TRPM3: variants seen among roughly 807,000 people sequenced by gnomAD.
TRPM3 encodes the protein transient receptor potential cation channel subfamily M member 3, also known as long transient receptor potential channel 3.
TRPM3 carries 77 observed loss-of-function variants against 181.2 expected under a neutral mutation model. The observed-to-expected ratio is 0.42, with a 90% confidence interval of 0.35 to 0.51. TRPM3 has a LOEUF of 0.51. Ranked by LOEUF, TRPM3 falls within the 20% of genes least tolerant of loss-of-function variation. The pLI is 0.01. For missense variants in TRPM3, 1,759 were observed against 2,196.7 expected (o/e 0.80, Z 3.98); for synonymous variants, 745 against 796.4 (o/e 0.94, Z 1.09).
At chr9:71,058,264 G>A (rs1442609132) in intron 1 of TRPM3, among the ~76,000 whole-genome samples, 1 of 152,018 alleles carries the variant, frequency 6.6e-6, no homozygotes, top group African/African-American at 2.4e-5. Flanking sequence ...AAGCCTGCAT[G>A]GCTTATACCA....
intron 1 of TRPM3, among the ~76,000 whole-genome samples, chr9:71,127,069 AAC>A (rs1491091862): frequency 2.8e-3 from 279 of 99,088 alleles, no homozygotes; most frequent in African/African-American, 1.0e-2. Flanking sequence ...TTTAGGAAAA[AAC>A]AAAAACAAAA....
intron 1 of TRPM3, among the ~76,000 whole-genome samples, chr9:71,206,397 C>A (rs1212448911): frequency 6.6e-6 from 1 of 151,982 alleles, no homozygotes; most frequent in Non-Finnish European, 1.5e-5. Context: ...AGTCTTCTTT[C>A]GAAAAGTTTC....
intron 7 of TRPM3, 57 bp downstream of exon 7, chr9:70,784,048 A>ATTTT: frequency 6.4e-7 from 1 of 1,565,856 alleles, no homozygotes; most frequent in Non-Finnish European, 8.7e-7. Context: ...ATCCACTCAT[A>ATTTT]CCCTCGTTTC....
intron 1 of TRPM3, among the ~76,000 whole-genome samples, chr9:71,403,539 T>C (rs2093381121): frequency 6.6e-6 from 1 of 152,216 alleles, no homozygotes; most frequent in Admixed American, 6.5e-5. Context: ...GTTTGCTATA[T>C]GCCAGGTTCT....
intron 1 of TRPM3, among the ~76,000 whole-genome samples, chr9:70,913,190 A>G (rs1285894083): frequency 1.3e-5 from 2 of 152,188 alleles, no homozygotes; most frequent in African/African-American, 4.8e-5. Context: ...GTCTTCCATA[A>G]TATTTGATTT....
intron 1 of TRPM3, among the ~76,000 whole-genome samples, chr9:71,321,981 G>A (rs1043548679): frequency 5.9e-5 from 9 of 151,996 alleles, no homozygotes; most frequent in African/African-American, 1.7e-4. Flanking sequence ...GAGATTAAGA[G>A]GTGCATAAAA....
At chr9:71,104,261 C>T (rs1231393990) in intron 1 of TRPM3, among the ~76,000 whole-genome samples, 2 of 152,308 alleles carry the variant, frequency 1.3e-5, no homozygotes, top group East Asian at 1.9e-4. Context: ...AATATGGACA[C>T]ATTCCTAGTG....
intron 1 of TRPM3, among the ~76,000 whole-genome samples, chr9:70,994,811 C>A (rs1362392802): frequency 1.3e-5 from 2 of 152,198 alleles, no homozygotes; most frequent in East Asian, 1.9e-4. Context: ...ATCTAATAAA[C>A]CCTCAGCCTC....
intron 1 of TRPM3, among the ~76,000 whole-genome samples, chr9:70,915,586 T>A (rs912579689): frequency 2.6e-5 from 4 of 151,818 alleles, no homozygotes; most frequent in Admixed American, 6.6e-5. Flanking sequence ...ATTACAGGCA[T>A]GAGCCACCAC....
At chr9:70,805,245 GGAGACAGAGA>G (rs1213694521) in intron 6 of TRPM3, among the ~76,000 whole-genome samples, 6 of 150,660 alleles carry the variant, frequency 4.0e-5, no homozygotes, top group South Asian at 4.2e-4. Flanking sequence ...GGTGGTGGGG[GGAGACAGAGA>G]GAGACAGAGA....
chr9:70,625,426 AAAAT>A lies in TRPM3; in HGVS notation c.1668+52_1668+55del. 1 of 1,589,064 alleles carries A rather than the reference AAAAT, an allele frequency of 6.3e-7. No individual in the cohort carries two copies. Among genetic ancestry groups the A allele is most frequent in the South Asian group, 1.2e-5 (1 of 85,428 alleles). On this transcript the variant is annotated intron_variant, in intron 13 of 25. Transcript: ENST00000677713. This position sits in a 1 kb window ranked among gnomAD's most constrained non-coding sequence, Gnocchi z 4.8. Reference sequence around the variant, plus strand: ...CGTATTCTGTAACTAGAGTAAAAAAAAAATAATGAAAAAAGAAACATATGAATGT... The same window carrying A: ...CGTATTCTGTAACTAGAGTAAAAAAAAATGAAAAAAGAAACATATGAATGT...
At chr9:70,619,416 T>TG (rs1471883338) in intron 16 of TRPM3, among the ~76,000 whole-genome samples, 1 of 110,932 alleles carries the variant, frequency 9.0e-6, no homozygotes, top group Non-Finnish European at 1.9e-5. Context: ...CTTTTTTTTT[T>TG]TTTTTTTTTT....
At chr9:70,994,878 T>C (rs2134166028) in intron 1 of TRPM3, among the ~76,000 whole-genome samples, 1 of 152,336 alleles carries the variant, frequency 6.6e-6, no homozygotes, top group South Asian at 2.1e-4. Context: ...GCTGATCAAC[T>C]GGAAACATGA....
At chr9:70,644,686 T>G (rs2058553721) in intron 9 of TRPM3, among the ~76,000 whole-genome samples, 1 of 152,114 alleles carries the variant, frequency 6.6e-6, no homozygotes, top group Non-Finnish European at 1.5e-5. Flanking sequence ...CTATTCAACA[T>G]AGTACTGGAA....
intron 1 of TRPM3, among the ~76,000 whole-genome samples, chr9:70,901,878 G>T (rs1300874045): frequency 6.6e-6 from 1 of 152,196 alleles, no homozygotes; most frequent in East Asian, 1.9e-4. Flanking sequence ...ATATATGAAA[G>T]TGCTTTGTAA....
chr9:70,688,726 C>T (rs999854217), intron 8 of TRPM3, among the ~76,000 whole-genome samples: 5 of 152,104 alleles, frequency 3.3e-5, no homozygotes, highest in Admixed American at 3.3e-4. Context: ...TGCTGAAATA[C>T]CCTTCCCTCT....
At chr9:71,152,624 C>A (rs924487991) in intron 1 of TRPM3, among the ~76,000 whole-genome samples, 1 of 152,026 alleles carries the variant, frequency 6.6e-6, no homozygotes, top group Admixed American at 6.6e-5. Context: ...AGATAATCAC[C>A]ACTGGTGCTT....
At chr9:70,991,421 T>C (rs1044608948) in intron 1 of TRPM3, among the ~76,000 whole-genome samples, 3 of 152,168 alleles carry the variant, frequency 2.0e-5, no homozygotes, top group African/African-American at 7.2e-5. Flanking sequence ...AAAATTACGA[T>C]AGTTATTAGA....
At chr9:71,187,974 T>C (rs2077786804) in intron 1 of TRPM3, among the ~76,000 whole-genome samples, 1 of 151,818 alleles carries the variant, frequency 6.6e-6, no homozygotes, top group Non-Finnish European at 1.5e-5. Flanking sequence ...TTAAAAAAGT[T>C]AACCAGTATT....
Sources: gnomAD v4.1 joint callset for allele counts (sites outside exome capture counted in the v4.1 genomes callset) on GRCh38, gnomAD v4.1.1 for gene constraint, Gnocchi (gnomAD v3.1) non-coding constraint, MANE v1.5 for transcripts, NCBI Gene and HGNC (gene_info 2026-07-23, HGNC 2026-07-21) for gene names.